The following GRK2 variants were observed in gnomAD, a reference collection of about 807,000 sequenced individuals.
GRK2 encodes the protein G protein-coupled receptor kinase 2, also known as adrenergic beta receptor kinase 1.
A neutral mutation model predicts 97.8 loss-of-function variants in GRK2; 23 were observed. That is an observed-to-expected ratio of 0.24 (90% CI 0.17 to 0.33). The LOEUF is 0.33. Among genes scored for constraint, GRK2 ranks in the 10% least tolerant of loss-of-function variants. The pLI is 1.00. For synonymous variants in GRK2, 425 were observed against 381.7 expected, an observed-to-expected ratio of 1.11 and a Z score of -1.32; for missense variants, 633 against 956.9, an observed-to-expected ratio of 0.66 and a Z score of 4.47.
At chr11:67,283,795 TG>T (rs1486807992) in intron 16 of GRK2, 22 bp downstream of exon 16, 3 of 1,612,878 alleles carry the variant, frequency 1.9e-6, no homozygotes, top group Non-Finnish European at 2.5e-6. Flanking sequence ...CGGCAGGGAC[TG>T]GGGGTGCTCT....
intron 18 of GRK2, 188 bp downstream of exon 18, chr11:67,284,561 G>T: frequency 1.3e-6 from 1 of 741,094 alleles, no homozygotes; most frequent in South Asian, 1.9e-5. Context: ...AAGGAGCGCA[G>T]ATCACTTGAG....
Position 67,282,956 on chromosome 11 carries a change from TG to T in GRK2, c.1227+139del. On this transcript the variant is annotated intron_variant, in intron 14 of 20. Transcript: ENST00000308595. This position sits in a 1 kb window ranked among gnomAD's most constrained non-coding sequence, Gnocchi z 6.9. ...ACTCTGGCCTCTGAGACAGACCTCC[TG>T]CCCCATAGGCTCTCGCCCTCCCCGT... 2 of 1,170,698 alleles carry T rather than the reference TG, an allele frequency of 1.7e-6. No homozygotes were observed. The highest frequency in any genetic ancestry group is 2.7e-5 in the South Asian group (2 of 74,790). The allele number at this position is 1,170,698 out of a possible 1,614,324, so 72.5% of individuals were successfully genotyped here. A position where few individuals can be genotyped will look rare whatever the true frequency, so the allele number is the denominator to read the frequency against.
In GRK2 at chr11:67,278,293, G is replaced by A. The variant is rs1038973905; in HGVS notation, c.191-907G>A. Among the ~76,000 whole-genome samples, 6 of 152,348 alleles carry A rather than the reference G, an allele frequency of 3.9e-5. No individual in the cohort carries two copies. In the South Asian group the frequency reaches 6.2e-4, roughly 16 times the overall value. On this transcript the variant is annotated intron_variant, in intron 2 of 20. Transcript: ENST00000308595. ...GAAGGCATGAGAGGCCACCCAGCTC[G>A]AGCCTGGTTACCCGTGTCAGACTGG...
chr11:67,281,540 C>G lies in GRK2; in HGVS notation c.729C>G (p.Leu243=). The change falls in exon 9 of 21, where the codon CTC becomes CTG. Residue 243 remains leucine (L), a synonymous_variant. Transcript: ENST00000308595. The surrounding 1 kb of genome is among the most constrained non-coding windows in gnomAD (Gnocchi z 5.7). ...ETLALNERIM[L]SLVSTGDCPF... ...TGGCCCTGAACGAGCGCATCATGCT[C>G]TCGCTCGTCAGCACTGGGGTGAGCT... The G allele has an allele frequency of 1.2e-6, 2 of 1,613,526 alleles. No homozygotes were observed. The highest frequency in any genetic ancestry group is 2.2e-5 in the East Asian group (1 of 44,890).
At position 67,267,050 on chromosome 11, in the gene GRK2, A is replaced by G. The variant is rs549807985; in HGVS notation, c.113+238A>G. ...CCCAACTCCGGAGCTCCTCTGCCCC[A>G]TCGGTCCCCGGACCCAGTCGGGTCC... On this transcript the variant is annotated intron_variant, in intron 1 of 20. Transcript: ENST00000308595. Among the ~76,000 whole-genome samples, 599 of 151,644 alleles carry G rather than the reference A, an allele frequency of 4.0e-3. 3 individuals carry two copies. The highest frequency in any genetic ancestry group is 6.3e-3 in the Non-Finnish European group (429 of 67,842).
At chr11:67,278,605 G>A (rs117262072) in intron 2 of GRK2, among the ~76,000 whole-genome samples, 5,410 of 152,268 alleles carry the variant, frequency 0.036, 127 homozygotes, top group Non-Finnish European at 0.051. Context: ...CTGAGCCCTA[G>A]TTTCCCCAAC....
In GRK2 at chr11:67,281,640, C is replaced by T; in HGVS notation, c.748-10C>T. The T allele has an allele frequency of 1.9e-6, 3 of 1,545,424 alleles. No individual in the cohort carries two copies. The highest frequency in any genetic ancestry group is 2.7e-6 in the Non-Finnish European group (3 of 1,118,960). Reference sequence around the variant, plus strand: ...AACTGCCCGCCCCCTCCCCTCCTCTCCCCTCCTAGGACTGCCCATTCATTG... The same window carrying T: ...AACTGCCCGCCCCCTCCCCTCCTCTTCCCTCCTAGGACTGCCCATTCATTG... On this transcript the variant is annotated splice_polypyrimidine_tract_variant and intron_variant, in intron 9 of 20. Coordinates refer to ENST00000308595, the MANE Select transcript of GRK2 (RefSeq NM_001619.5). This position sits in a 1 kb window ranked among gnomAD's most constrained non-coding sequence, Gnocchi z 5.7.
chr11:67,283,350 G>C (rs1860196512), intron 15 of GRK2, 122 bp downstream of exon 15: 1 of 871,282 alleles, frequency 1.1e-6, no homozygotes, highest in Admixed American at 1.9e-5. Flanking sequence ...ATAAGTTGGG[G>C]CATGGCCAGC....
At position 67,281,536 on chromosome 11, in the gene GRK2, T is replaced by C. The variant is rs773936786; in HGVS notation, c.725T>C (p.Met242Thr). The C allele has an allele frequency of 6.2e-7, 1 of 1,613,426 alleles. No homozygotes were observed. Among genetic ancestry groups the C allele is most frequent in the African/African-American group, 1.3e-5 (1 of 74,912 alleles). ...ACCCTGGCCCTGAACGAGCGCATCATGCTCTCGCTCGTCAGCACTGGGGTG... is the reference window on the plus strand; with the variant it reads ...ACCCTGGCCCTGAACGAGCGCATCACGCTCTCGCTCGTCAGCACTGGGGTG... ...GETLALNERI[M>T]LSLVSTGDCP... Residue 242 changes from methionine to threonine, a missense_variant, in exon 9 of 21, where the codon ATG becomes ACG. Met to Thr is a moderately conservative substitution (Grantham distance 81, BLOSUM62 -1). This residue lies in a region of GRK2 where 192 missense variants were observed against 362.3 expected (regional missense o/e 0.53). Transcript: ENST00000308595. The surrounding 1 kb of genome is among the most constrained non-coding windows in gnomAD (Gnocchi z 5.7).
Position 67,266,789 on chromosome 11 carries a change from G to A in GRK2, c.90G>A (p.Lys30=), listed in dbSNP as rs1330632106. The change falls in exon 1 of 21, where the codon AAG becomes AAA. Residue 30 remains lysine (K), a synonymous_variant. Coordinates refer to ENST00000308595, the MANE Select transcript of GRK2 (RefSeq NM_001619.5). ...SKATPAARAS[K]KILLPEPSIR... ...CCACGCCGGCCGCGCGCGCCAGCAA[G>A]AAGATCCTGCTGCCCGAGCCCAGGT... 4 of 1,357,846 alleles carry A rather than the reference G, an allele frequency of 2.9e-6. No individual in the cohort carries two copies. The highest frequency in any genetic ancestry group is 3.8e-6 in the Non-Finnish European group (4 of 1,041,788). 84.1% of individuals were successfully genotyped at this position (1,357,846 alleles called of 1,614,324 possible).
chr11:67,267,326 C>T (rs911324813), intron 1 of GRK2, among the ~76,000 whole-genome samples: 12 of 152,356 alleles, frequency 7.9e-5, no homozygotes, highest in Admixed American at 7.8e-4. Context: ...ACCCGTCTCT[C>T]CTCCAGTCTA....
chr11:67,283,797 G>C, intron 16 of GRK2, 24 bp downstream of exon 16: 1 of 1,613,020 alleles, frequency 6.2e-7, no homozygotes, highest in South Asian at 1.1e-5. Context: ...GCAGGGACTG[G>C]GGGTGCTCTG....
chr11:67,275,321 G>A (rs551373856), intron 1 of GRK2, among the ~76,000 whole-genome samples: 3 of 152,318 alleles, frequency 2.0e-5, no homozygotes, highest in African/African-American at 7.2e-5. Context: ...CCACAGGCCA[G>A]GTCCGCACTG....
At chr11:67,283,037 C>T in intron 14 of GRK2, 91 bp from the exon 15 acceptor site, 1 of 1,353,786 alleles carries the variant, frequency 7.4e-7, no homozygotes, top group African/African-American at 1.4e-5. Context: ...ATCTGTCCCT[C>T]TGCGGGGGCC....
chr11:67,286,240 G>C lies in GRK2; in HGVS notation c.*790G>C. ...ATCTGCCCAGGACGGGGCCGGCCAG[G>C]TGGGCGGGCAGCACAGCAAGGAGGC... is the stretch of plus-strand genomic sequence containing the variant. On this transcript the variant is annotated 3_prime_UTR_variant, in exon 21 of 21. Coordinates refer to ENST00000308595, the MANE Select transcript of GRK2 (RefSeq NM_001619.5). The C allele has an allele frequency of 1.7e-6, 1 of 583,540 alleles. No individual in the cohort carries two copies. Among genetic ancestry groups the C allele is most frequent in the South Asian group, 2.0e-5 (1 of 50,358 alleles). 36.1% of individuals were successfully genotyped at this position (583,540 alleles called of 1,614,324 possible).
chr11:67,284,037 C>G, intron 17 of GRK2, 88 bp downstream of exon 17: 1 of 1,429,114 alleles, frequency 7.0e-7, no homozygotes, highest in Non-Finnish European at 9.6e-7. Context: ...CTGTGAGACC[C>G]TGTGCCAGCC....
At chr11:67,270,652 A>C (rs1029650200) in intron 1 of GRK2, among the ~76,000 whole-genome samples, 2 of 151,426 alleles carry the variant, frequency 1.3e-5, no homozygotes, top group African/African-American at 2.4e-5. Flanking sequence ...CGTTCTCCCA[A>C]CTCCTTTCCC....
Position 67,282,062 on chromosome 11 carries a change from C to A in GRK2, c.957+110C>A. 7.0e-7 allele frequency: 1 copy of A among 1,431,278 alleles called. No homozygotes were observed. Among genetic ancestry groups the A allele is most frequent in the Non-Finnish European group, 9.6e-7 (1 of 1,041,652 alleles). The allele number at this position is 1,431,278 out of a possible 1,614,324, so 88.7% of individuals were successfully genotyped here. A position where few individuals can be genotyped will look rare whatever the true frequency, so the allele number is the denominator to read the frequency against. ...GTGGGGCTCCTGGGACATGGCCGCCCCGTATCTTCCCATCTCCGCCCCTGC... is the reference window on the plus strand; with the variant it reads ...GTGGGGCTCCTGGGACATGGCCGCCACGTATCTTCCCATCTCCGCCCCTGC... On this transcript the variant is annotated intron_variant, in intron 11 of 20. Coordinates refer to ENST00000308595, the MANE Select transcript of GRK2 (RefSeq NM_001619.5). The surrounding 1 kb of genome is among the most constrained non-coding windows in gnomAD (Gnocchi z 6.9).
Position 67,282,132 on chromosome 11 carries a change from C to A in GRK2, c.958-139C>A. Reference sequence around the variant, plus strand: ...TCTGGGTCCAGGTTGTAGCTGGGGACAGGAGAGAGGACCCCCACCTTTGCC... The same window carrying A: ...TCTGGGTCCAGGTTGTAGCTGGGGAAAGGAGAGAGGACCCCCACCTTTGCC... On this transcript the variant is annotated intron_variant, in intron 11 of 20. Transcript: ENST00000308595. The surrounding 1 kb of genome is among the most constrained non-coding windows in gnomAD (Gnocchi z 6.9). 8.3e-7 allele frequency: 1 copy of A among 1,202,702 alleles called. No homozygotes were observed. Among genetic ancestry groups the A allele is most frequent in the Admixed American group, 2.0e-5 (1 of 50,418 alleles). 74.5% of individuals were successfully genotyped at this position (1,202,702 alleles called of 1,614,324 possible).
Sources: allele counts gnomAD v4.1 joint callset (sites outside exome capture counted in the v4.1 genomes callset), GRCh38; gene constraint gnomAD v4.1.1; regional missense constraint gnomAD v4.1.1; non-coding constraint Gnocchi (gnomAD v3.1); transcripts MANE v1.5; gene names NCBI Gene and HGNC (gene_info 2026-07-23, HGNC 2026-07-21).